Variants in ARHGAP39 observed in about 807,000 individuals in gnomAD.
ARHGAP39 encodes the protein rho GTPase-activating protein 39.
Under a neutral mutation model 106.9 loss-of-function variants are expected in ARHGAP39, and 44 were observed. That is an observed-to-expected ratio of 0.41 (90% CI 0.32 to 0.53). The LOEUF (loss-of-function observed/expected upper bound fraction) is 0.53, where lower values mean the gene tolerates loss of function less well. Ranked by LOEUF, ARHGAP39 falls within the 20% of genes least tolerant of loss-of-function variation. ARHGAP39 has a pLI of 0.21. For synonymous variants in ARHGAP39, 768 were observed against 693.2 expected, an observed-to-expected ratio of 1.11 and a Z score of -1.69; for missense variants, 1,496 against 1,577.3, an observed-to-expected ratio of 0.95 and a Z score of 0.87.
At chr8:144,691,906 G>C in the ARHGAP39 span, among the ~76,000 whole-genome samples, 1 of 152,024 alleles carries the variant, frequency 6.6e-6, no homozygotes, top group Non-Finnish European at 1.5e-5. Flanking sequence ...ACGCAAGCAG[G>C]GGCCTAGTTT....
chr8:144,619,765 CGT>C (rs372181035), intron 1 of ARHGAP39, among the ~76,000 whole-genome samples: 32 of 142,280 alleles, frequency 2.2e-4, no homozygotes, highest in Non-Finnish European at 3.5e-4. Context: ...AGTGTGTGCC[CGT>C]GTGTGTGAGC....
intron 2 of ARHGAP39, among the ~76,000 whole-genome samples, chr8:144,601,236 C>CTGTGTG (rs376885727): frequency 1.1e-5 from 1 of 94,350 alleles, no homozygotes. Flanking sequence ...GCTCATGTAC[C>CTGTGTG]TGTGTGCATG....
intron 2 of ARHGAP39, among the ~76,000 whole-genome samples, chr8:144,601,321 T>C (rs1222984898): frequency 4.3e-5 from 6 of 140,628 alleles, no homozygotes; most frequent in Non-Finnish European, 7.6e-5. Context: ...TGTGTGTGTG[T>C]GGAGGCGTGT....
At chr8:144,564,572 T>C (rs547193342) in intron 3 of ARHGAP39, among the ~76,000 whole-genome samples, 1 of 152,226 alleles carries the variant, frequency 6.6e-6, no homozygotes, top group Non-Finnish European at 1.5e-5. Context: ...TAAAGTTGTA[T>C]TCCATATGTT....
intron 1 of ARHGAP39, among the ~76,000 whole-genome samples, chr8:144,653,211 CA>C (rs1439113390): frequency 1.3e-5 from 2 of 152,114 alleles, no homozygotes; most frequent in Non-Finnish European, 2.9e-5. Flanking sequence ...CAGGAATCCA[CA>C]ATCGCTTGAA....
chr8:144,647,508 C>A lies in ARHGAP39; in HGVS notation c.-82+38178G>T, dbSNP rs1331018293. On this transcript the variant is annotated intron_variant, in intron 1 of 11. Transcript: ENST00000377307. This position sits in a 1 kb window ranked among gnomAD's most constrained non-coding sequence, Gnocchi z 4.8. ...AAGGCTATCGGCAGCCTGCAGCCGC[C>A]CACCCTGCTGCCCACACTGCCCTGT... 1.3e-5 allele frequency among the ~76,000 whole-genome samples: 2 copies of A among 152,238 alleles called. No homozygotes were observed. The highest frequency in any genetic ancestry group is 2.9e-5 in the Non-Finnish European group (2 of 68,042).
intron 1 of ARHGAP39, among the ~76,000 whole-genome samples, chr8:144,614,604 T>A (rs143277120): frequency 0.023 from 3,538 of 152,260 alleles, 83 homozygotes; most frequent in Admixed American, 0.064. Context: ...CCGCCCACCT[T>A]GGCCTCCACA....
chr8:144,566,528 C>T (rs1818402173), intron 3 of ARHGAP39, among the ~76,000 whole-genome samples: 1 of 152,206 alleles, frequency 6.6e-6, no homozygotes, highest in East Asian at 1.9e-4. Flanking sequence ...CCACTCCAGC[C>T]TGGGTGAAAG....
Position 144,679,031 on chromosome 8 carries a change from C to T in ARHGAP39, c.-82+6655G>A, listed in dbSNP as rs936243500. ...TGGCAGCTGAGAGGGGGACCCAGCA[C>T]GCCAAAATTCTAGGTGGTGACCAAG... On this transcript the variant is annotated intron_variant, in intron 1 of 11. Transcript: ENST00000377307. This position sits in a 1 kb window ranked among gnomAD's most constrained non-coding sequence, Gnocchi z 4.7. 7.2e-5 allele frequency among the ~76,000 whole-genome samples: 11 copies of T among 152,070 alleles called. No individual in the cohort carries two copies. The highest frequency in any genetic ancestry group is 8.8e-5 in the Non-Finnish European group (6 of 68,014).
intron 1 of ARHGAP39, among the ~76,000 whole-genome samples, chr8:144,663,714 G>A (rs75942793): frequency 0.048 from 7,310 of 152,174 alleles, 448 homozygotes; most frequent in East Asian, 0.24. Flanking sequence ...TCTATGCTCA[G>A]GACTCCCCAA....
rs1218892234 is a variant in ARHGAP39 at position 144,604,137 on chromosome 8, A to G, written c.80+1398T>C. On this transcript the variant is annotated intron_variant, in intron 2 of 11. Coordinates refer to ENST00000377307, the MANE Select transcript of ARHGAP39 (RefSeq NM_025251.3). This position sits in a 1 kb window ranked among gnomAD's most constrained non-coding sequence, Gnocchi z 4.1. ...AGAGTCCCAGAAAGACCAACCACACAGGGAGGCACAAAGCATCAGACACGG... is the reference window on the plus strand; with the variant it reads ...AGAGTCCCAGAAAGACCAACCACACGGGGAGGCACAAAGCATCAGACACGG... Among the ~76,000 whole-genome samples, 3 of 152,168 alleles carry G rather than the reference A, an allele frequency of 2.0e-5. No individual in the cohort carries two copies. The highest frequency in any genetic ancestry group is 4.4e-5 in the Non-Finnish European group (3 of 68,042).
intron 4 of ARHGAP39, among the ~76,000 whole-genome samples, chr8:144,555,196 C>T (rs749892855): frequency 6.6e-6 from 1 of 152,384 alleles, no homozygotes; most frequent in Non-Finnish European, 1.5e-5. Flanking sequence ...CTGTGATTAG[C>T]GCCAACCTTC....
Position 144,670,625 on chromosome 8 carries a change from G to A in ARHGAP39, c.-82+15061C>T, listed in dbSNP as rs535184100. 9.9e-5 allele frequency among the ~76,000 whole-genome samples: 15 copies of A among 152,006 alleles called. No homozygotes were observed. Among genetic ancestry groups the A allele is most frequent in the African/African-American group, 3.4e-4 (14 of 41,372 alleles). On this transcript the variant is annotated intron_variant, in intron 1 of 11. Coordinates refer to ENST00000377307, the MANE Select transcript of ARHGAP39 (RefSeq NM_025251.3). This position sits in a 1 kb window ranked among gnomAD's most constrained non-coding sequence, Gnocchi z 4.4. ...CAGGCTCCCTGGGCTCCTGCCATCC[G>A]GTCCTGCTAACCCCAGGGCTGCCAC...
At chr8:144,540,802 A>G (rs1349693427) in intron 6 of ARHGAP39, among the ~76,000 whole-genome samples, 1 of 152,194 alleles carries the variant, frequency 6.6e-6, no homozygotes, top group Non-Finnish European at 1.5e-5. Flanking sequence ...TGTCTGGAAA[A>G]AAAAAAGAAA....
intron 6 of ARHGAP39, among the ~76,000 whole-genome samples, chr8:144,539,038 TATA>T (rs1817081904): frequency 6.6e-6 from 1 of 152,024 alleles, no homozygotes; most frequent in Admixed American, 6.6e-5. Flanking sequence ...CTACATCTCG[TATA>T]TGCCCCGCAC....
chr8:144,578,918 G>T (rs900380547), intron 3 of ARHGAP39, among the ~76,000 whole-genome samples: 1 of 151,374 alleles, frequency 6.6e-6, no homozygotes, highest in Non-Finnish European at 1.5e-5. Context: ...TCAAGAAAGT[G>T]AAAAAAGGGG....
At chr8:144,595,804 C>T (rs758259876) in intron 2 of ARHGAP39, among the ~76,000 whole-genome samples, 3 of 152,188 alleles carry the variant, frequency 2.0e-5, no homozygotes, top group Non-Finnish European at 2.9e-5. Flanking sequence ...CATGCAGCCC[C>T]CAGCACAGCT....
chr8:144,582,036 G>C (rs568667377), intron 2 of ARHGAP39, among the ~76,000 whole-genome samples: 3 of 152,132 alleles, frequency 2.0e-5, no homozygotes, highest in Admixed American at 2.0e-4. Context: ...GGGCTGGTGA[G>C]GTGTCTCGTT....
At chr8:144,617,473 G>C (rs1437577058) in intron 1 of ARHGAP39, among the ~76,000 whole-genome samples, 1 of 151,472 alleles carries the variant, frequency 6.6e-6, no homozygotes, top group Admixed American at 6.6e-5. Context: ...GGAGACCTGA[G>C]CACCCAGCGC....
Sources: allele counts gnomAD v4.1 joint callset (sites outside exome capture counted in the v4.1 genomes callset), GRCh38; gene constraint gnomAD v4.1.1; non-coding constraint Gnocchi (gnomAD v3.1); transcripts MANE v1.5; gene names NCBI Gene and HGNC (gene_info 2026-07-23, HGNC 2026-07-21).